Variants in FRMD3 observed in about 807,000 individuals in gnomAD.
FRMD3 encodes the protein FERM domain-containing protein 3.
FRMD3 carries 33 observed loss-of-function variants against 70.2 expected under a neutral mutation model. That is an observed-to-expected ratio of 0.47 (90% confidence interval 0.36 to 0.63). The LOEUF (loss-of-function observed/expected upper bound fraction) is 0.63, where lower values mean the gene tolerates loss of function less well. Ranked by LOEUF, FRMD3 falls within the 20% of genes least tolerant of loss-of-function variation. The probability of loss-of-function intolerance (pLI) is 0.00; values close to 1 mark genes in which losing one functional copy is unlikely to be tolerated. For missense variants in FRMD3, 632 were observed against 711.4 expected, an observed-to-expected ratio of 0.89 and a Z score of 1.27; for synonymous variants, 279 against 255.9, an observed-to-expected ratio of 1.09 and a Z score of -0.86.
At chr9:83,343,825 T>C (rs1041408563) in intron 4 of FRMD3, among the ~76,000 whole-genome samples, 2 of 152,202 alleles carry the variant, frequency 1.3e-5, no homozygotes, top group Non-Finnish European at 2.9e-5. Context: ...CTGTCATCTG[T>C]GTAGAGTCTC....
chr9:83,583,272 G>A, the FRMD3 span, among the ~76,000 whole-genome samples: 1 of 152,142 alleles, frequency 6.6e-6, no homozygotes, highest in East Asian at 1.9e-4. Flanking sequence ...GAAAACTTCA[G>A]TGTTAAGAAC....
chr9:83,393,557 T>C (rs1825727207), intron 1 of FRMD3, among the ~76,000 whole-genome samples: 1 of 152,044 alleles, frequency 6.6e-6, no homozygotes, highest in Non-Finnish European at 1.5e-5. Context: ...TTTACCATAA[T>C]GTAGACGCGG....
the FRMD3 span, among the ~76,000 whole-genome samples, chr9:83,581,636 T>C: frequency 6.6e-6 from 1 of 152,184 alleles, no homozygotes; most frequent in African/African-American, 2.4e-5. Context: ...CAAAAATGTA[T>C]GTCCACACAA....
rs1832080554 is a variant in FRMD3 at position 83,246,102 on chromosome 9, A to G, written c.*1816T>C. The G allele has an allele frequency of 1.0e-6, 1 of 985,198 alleles. No homozygotes were observed. The highest frequency in any genetic ancestry group is 6.2e-5 in the Admixed American group (1 of 16,256). 61.0% of individuals were successfully genotyped at this position (985,198 alleles called of 1,614,324 possible). On this transcript the variant is annotated 3_prime_UTR_variant, in exon 14 of 14. Transcript: ENST00000304195. The stretch of plus-strand genomic sequence containing the variant: ...ATTTCCAAAATTAAATGTCCAGTGA[A>G]GTACTCAGAGCTCCACTGAGTGAGT...
chr9:83,323,351 C>T (rs1427076891), intron 6 of FRMD3, among the ~76,000 whole-genome samples: 1 of 152,192 alleles, frequency 6.6e-6, no homozygotes, highest in Admixed American at 6.5e-5. Context: ...AAGCTACACG[C>T]TATGAGATGA....
At chr9:83,526,228 C>G (rs946175659) in intron 1 of FRMD3, among the ~76,000 whole-genome samples, 1 of 152,232 alleles carries the variant, frequency 6.6e-6, no homozygotes, top group South Asian at 2.1e-4. Context: ...CTGTACTTGG[C>G]GTAATGGTCT....
chr9:83,372,818 C>T (rs2131257315), intron 3 of FRMD3, 95 bp downstream of exon 3: 3 of 1,141,264 alleles, frequency 2.6e-6, no homozygotes, highest in African/African-American at 1.5e-5. Flanking sequence ...ACCTCTTCAA[C>T]TCTATTATTC....
chr9:83,267,392 G>C (rs2118767883), intron 13 of FRMD3: 2 of 1,104,228 alleles, frequency 1.8e-6, no homozygotes, highest in South Asian at 2.6e-5. Context: ...CCCTACTCTA[G>C]CCTTTCTAAA....
chr9:83,442,254 CTTTTTT>C (rs57472225), intron 1 of FRMD3, among the ~76,000 whole-genome samples: 2 of 121,544 alleles, frequency 1.6e-5, no homozygotes, highest in Non-Finnish European at 1.7e-5. Context: ...TTATACAGAT[CTTTTTT>C]TTTTTTTTTT....
At chr9:83,338,909 C>T (rs1336830681) in intron 5 of FRMD3, among the ~76,000 whole-genome samples, 5 of 152,154 alleles carry the variant, frequency 3.3e-5, no homozygotes, top group African/African-American at 4.8e-5. Context: ...CACACATACA[C>T]GCTTGTGCCC....
intron 4 of FRMD3, among the ~76,000 whole-genome samples, chr9:83,346,456 T>C (rs1298460403): frequency 2.6e-5 from 4 of 152,088 alleles, no homozygotes; most frequent in African/African-American, 7.2e-5. Context: ...AGGCTACACA[T>C]TGCATGCTTT....
chr9:83,544,007 A>G, the FRMD3 span, among the ~76,000 whole-genome samples: 1 of 152,102 alleles, frequency 6.6e-6, no homozygotes, highest in Non-Finnish European at 1.5e-5. Flanking sequence ...CTTACTGGCA[A>G]TGTCCCCACT....
chr9:83,500,798 G>A (rs958161113), intron 1 of FRMD3, among the ~76,000 whole-genome samples: 5 of 152,132 alleles, frequency 3.3e-5, no homozygotes, highest in Admixed American at 6.5e-5. Flanking sequence ...TGAGTTTGGA[G>A]GCGAGGAAAA....
chr9:83,467,866 C>T, intron 1 of FRMD3: 1 of 1,219,618 alleles, frequency 8.2e-7, no homozygotes, highest in Non-Finnish European at 1.1e-6. Context: ...AAAAAAGTTA[C>T]AAACATGAGA....
intron 1 of FRMD3, among the ~76,000 whole-genome samples, chr9:83,463,950 T>A (rs1033263552): frequency 1.3e-5 from 2 of 152,180 alleles, no homozygotes; most frequent in Non-Finnish European, 2.9e-5. Flanking sequence ...TTCAGCCTCT[T>A]CCTCCTGTTC....
chr9:83,515,749 C>T (rs765336798), intron 1 of FRMD3, among the ~76,000 whole-genome samples: 2 of 152,166 alleles, frequency 1.3e-5, no homozygotes, highest in Non-Finnish European at 2.9e-5. Flanking sequence ...AAGGGAAGCC[C>T]ATCAGACTAA....
intron 10 of FRMD3, among the ~76,000 whole-genome samples, chr9:83,303,937 C>T (rs1171054718): frequency 1.3e-5 from 2 of 152,196 alleles, no homozygotes; most frequent in East Asian, 3.8e-4. Flanking sequence ...AGCAACCGCT[C>T]ATCTAGTTTA....
intron 1 of FRMD3, among the ~76,000 whole-genome samples, chr9:83,510,376 G>C (rs139667541): frequency 6.6e-6 from 1 of 152,310 alleles, no homozygotes; most frequent in Non-Finnish European, 1.5e-5. Context: ...ATAATAACCA[G>C]TGTTACTGAT....
intron 6 of FRMD3, among the ~76,000 whole-genome samples, chr9:83,328,626 G>T (rs11140029): frequency 0.19 from 28,301 of 152,194 alleles, 2,753 homozygotes; most frequent in Middle Eastern, 0.24. Flanking sequence ...TTATTTTGTA[G>T]ATAAAATCTT....
Sources: gnomAD v4.1 joint callset for allele counts (sites outside exome capture counted in the v4.1 genomes callset) on GRCh38, gnomAD v4.1.1 for gene constraint, MANE v1.5 for transcripts, NCBI Gene and HGNC (gene_info 2026-07-23, HGNC 2026-07-21) for gene names.